The following LRRC8D variants were observed in gnomAD, a reference collection of about 807,000 sequenced individuals.
LRRC8D encodes leucine rich repeat containing 8 VRAC subunit D.
A neutral mutation model predicts 55.8 loss-of-function variants in LRRC8D; 20 were observed. The ratio of observed to expected loss-of-function variants is 0.36; its 90% confidence interval spans 0.25 to 0.52. The LOEUF is 0.52. LRRC8D is among the 20% of genes least tolerant of loss of function. The pLI, the probability that LRRC8D is intolerant of heterozygous loss-of-function variation, is 0.93. For synonymous variants in LRRC8D, 352 were observed against 377.0 expected (o/e 0.93, Z 0.77); for missense variants, 651 against 1,030.8 (o/e 0.63, Z 5.05).
chr1:89,920,713 A>C (rs969833240), intron 2 of LRRC8D, among the ~76,000 whole-genome samples: 1 of 151,904 alleles, frequency 6.6e-6, no homozygotes, highest in African/African-American at 2.4e-5. Flanking sequence ...AAAAAAAAAA[A>C]AAACTAAATC....
chr1:89,920,263 A>C (rs1663376356), intron 2 of LRRC8D, among the ~76,000 whole-genome samples: 1 of 152,222 alleles, frequency 6.6e-6, no homozygotes, highest in South Asian at 2.1e-4. Context: ...CACTAGGAAG[A>C]AATCCTAAAA....
chr1:89,902,576 G>A (rs889439897), intron 2 of LRRC8D, among the ~76,000 whole-genome samples: 1 of 148,980 alleles, frequency 6.7e-6, no homozygotes, highest in Non-Finnish European at 1.5e-5. Context: ...TCGCTCTGTC[G>A]CCCTGGCTGG....
At chr1:89,910,446 G>T (rs574108748) in intron 2 of LRRC8D, among the ~76,000 whole-genome samples, 1 of 151,962 alleles carries the variant, frequency 6.6e-6, no homozygotes, top group South Asian at 2.1e-4. Context: ...CAGTTGGGTT[G>T]TTGTTTCATT....
chr1:89,901,117 C>T (rs945618480), intron 2 of LRRC8D, among the ~76,000 whole-genome samples: 1 of 152,218 alleles, frequency 6.6e-6, no homozygotes, highest in Non-Finnish European at 1.5e-5. Flanking sequence ...AACAGAGTGA[C>T]AACCTCTTCT....
At chr1:89,865,625 C>T (rs932760109) in intron 2 of LRRC8D, among the ~76,000 whole-genome samples, 1 of 152,036 alleles carries the variant, frequency 6.6e-6, no homozygotes, top group East Asian at 1.9e-4. Flanking sequence ...ATTATGAACT[C>T]GAAAGCCTTG....
intron 1 of LRRC8D, among the ~76,000 whole-genome samples, chr1:89,823,301 A>G (rs536237239): frequency 1.0e-3 from 159 of 152,318 alleles, no homozygotes; most frequent in African/African-American, 3.5e-3. Flanking sequence ...TTTAAAAAAC[A>G]TGGTCAAAAC....
chr1:89,917,163 T>G (rs1477882729), intron 2 of LRRC8D, among the ~76,000 whole-genome samples: 1 of 152,236 alleles, frequency 6.6e-6, no homozygotes, highest in Non-Finnish European at 1.5e-5. Flanking sequence ...ATTCCATCTG[T>G]TAGATATCTT....
At chr1:89,862,895 C>T (rs904782719) in intron 2 of LRRC8D, among the ~76,000 whole-genome samples, 11 of 152,056 alleles carry the variant, frequency 7.2e-5, no homozygotes, top group Non-Finnish European at 1.0e-4. Flanking sequence ...TGTTTTCTCC[C>T]GTGATTTCAT....
intron 2 of LRRC8D, among the ~76,000 whole-genome samples, chr1:89,932,147 T>C (rs910905696): frequency 7.2e-5 from 11 of 152,214 alleles, no homozygotes; most frequent in Non-Finnish European, 1.5e-4. Flanking sequence ...CAGCTGATAG[T>C]GAATAATAAC....
chr1:89,933,233 G>T lies in LRRC8D; in HGVS notation c.165G>T (p.Leu55Phe). 2 of 1,614,146 alleles carry T rather than the reference G, an allele frequency of 1.2e-6. No homozygotes were observed. Among genetic ancestry groups the T allele is most frequent in the Non-Finnish European group, 8.5e-7 (1 of 1,180,028 alleles). ...TTACCAAAGATCAGGTGGTCTGTTT[G>T]CCAGTATTGCCATCTCCTGTAAATT... The part of the protein sequence containing the change: ...MQLTKDQVVC[L>F]PVLPSPVNSK... Residue 55 changes from leucine (L) to phenylalanine (F), a missense_variant, in exon 3 of 3, where the codon TTG becomes TTT. Leu to Phe is a conservative substitution (Grantham distance 22). Transcript: ENST00000337338. The surrounding 1 kb of genome is among the most constrained non-coding windows in gnomAD (Gnocchi z 7.0).
At chr1:89,834,781 G>T (rs1245477078) in intron 1 of LRRC8D, among the ~76,000 whole-genome samples, 1 of 152,228 alleles carries the variant, frequency 6.6e-6, no homozygotes, top group African/African-American at 2.4e-5. Context: ...GACAGGTAGA[G>T]AATTGATGGG....
intron 2 of LRRC8D, among the ~76,000 whole-genome samples, chr1:89,885,679 G>C (rs1453971785): frequency 6.6e-6 from 1 of 152,172 alleles, no homozygotes; most frequent in Non-Finnish European, 1.5e-5. Flanking sequence ...TTATTCTACT[G>C]TTGCTGGTGT....
chr1:89,825,434 C>T (rs1660739794), intron 1 of LRRC8D, among the ~76,000 whole-genome samples: 2 of 152,182 alleles, frequency 1.3e-5, no homozygotes, highest in African/African-American at 2.4e-5. Context: ...GTTTATGTAT[C>T]TGGAAGAGAG....
At chr1:89,828,231 C>T (rs1388658709) in intron 1 of LRRC8D, among the ~76,000 whole-genome samples, 6 of 152,220 alleles carry the variant, frequency 3.9e-5, no homozygotes, top group Non-Finnish European at 8.8e-5. Context: ...GTGACCCAAA[C>T]AGCACATGGT....
intron 2 of LRRC8D, among the ~76,000 whole-genome samples, chr1:89,923,667 A>T (rs187232933): frequency 1.3e-5 from 2 of 152,370 alleles, no homozygotes; most frequent in Non-Finnish European, 2.9e-5. Flanking sequence ...ATATCACATT[A>T]TGTGACTTCA....
chr1:89,830,606 G>A (rs1287850582), intron 1 of LRRC8D, among the ~76,000 whole-genome samples: 2 of 152,192 alleles, frequency 1.3e-5, no homozygotes, highest in Non-Finnish European at 2.9e-5. Flanking sequence ...CGCCCTCAGG[G>A]TGGGGTCATC....
At chr1:89,824,413 A>C (rs1660716930) in intron 1 of LRRC8D, among the ~76,000 whole-genome samples, 1 of 152,146 alleles carries the variant, frequency 6.6e-6, no homozygotes, top group South Asian at 2.1e-4. Context: ...GTAAGTTGGG[A>C]ATCATTGAAA....
intron 2 of LRRC8D, among the ~76,000 whole-genome samples, chr1:89,907,575 T>C (rs1050402275): frequency 1.3e-5 from 2 of 152,212 alleles, no homozygotes; most frequent in Non-Finnish European, 2.9e-5. Context: ...ACAACCTTTC[T>C]AAGCCTCATT....
chr1:89,849,054 A>G (rs1191966128), intron 2 of LRRC8D, among the ~76,000 whole-genome samples: 2 of 152,174 alleles, frequency 1.3e-5, no homozygotes, highest in Non-Finnish European at 2.9e-5. Flanking sequence ...AGTCACACAG[A>G]CAAGCTAAGG....
Sources: gnomAD v4.1 joint callset for allele counts (sites outside exome capture counted in the v4.1 genomes callset) on GRCh38, gnomAD v4.1.1 for gene constraint, Gnocchi (gnomAD v3.1) non-coding constraint, MANE v1.5 for transcripts, NCBI Gene and HGNC (gene_info 2026-07-23, HGNC 2026-07-21) for gene names.